KHDRBS2: variants seen among roughly 807,000 people sequenced by gnomAD.
The protein encoded by KHDRBS2 is KH domain-containing, RNA-binding, signal transduction-associated protein 2.
KHDRBS2 carries 26 observed loss-of-function variants against 44.3 expected under a neutral mutation model. That is an observed-to-expected ratio of 0.59 (90% CI 0.43 to 0.81). The LOEUF (loss-of-function observed/expected upper bound fraction) is 0.81. Ranked by LOEUF, KHDRBS2 falls within the 40% of genes least tolerant of loss-of-function variation. The pLI is 0.00. For synonymous variants in KHDRBS2, 194 were observed against 151.1 expected, an observed-to-expected ratio of 1.28 and a Z score of -2.08; for missense variants, 476 against 433.1, an observed-to-expected ratio of 1.10 and a Z score of -0.88.
chr6:61,772,866 C>T (rs1305620598), intron 6 of KHDRBS2, among the ~76,000 whole-genome samples: 1 of 152,020 alleles, frequency 6.6e-6, no homozygotes, highest in Non-Finnish European at 1.5e-5. Flanking sequence ...GTTCAATTCC[C>T]ACCTATGAGT....
At chr6:62,083,393 C>A (rs1797790154) in intron 2 of KHDRBS2, among the ~76,000 whole-genome samples, 2 of 152,170 alleles carry the variant, frequency 1.3e-5, no homozygotes, top group South Asian at 4.1e-4. Context: ...TCTGCATTTA[C>A]CATCTTCAAT....
chr6:61,769,391 T>C (rs1201006101), intron 6 of KHDRBS2, among the ~76,000 whole-genome samples: 2 of 151,646 alleles, frequency 1.3e-5, no homozygotes, highest in Non-Finnish European at 2.9e-5. Flanking sequence ...GCACAAGGGG[T>C]CAGGGAATTC....
In KHDRBS2 at chr6:61,690,575, G is replaced by A. The variant is rs1355519977; in HGVS notation, c.952+6620C>T. ...AAATTTTTTAAAAAGTCAAGGTTGA[G>A]ATTTAACTGTTCAACACACAATTGT... On this transcript the variant is annotated intron_variant, in intron 8 of 8. Transcript: ENST00000281156. Among the ~76,000 whole-genome samples, 3 of 152,134 alleles carry A rather than the reference G, an allele frequency of 2.0e-5. No homozygotes were observed. In the East Asian group the frequency reaches 5.8e-4, roughly 30 times the overall value.
chr6:62,183,553 T>C lies in KHDRBS2; in HGVS notation c.92-6241A>G, dbSNP rs9363959. On this transcript the variant is annotated intron_variant, in intron 1 of 8. Transcript: ENST00000281156. ...ATAAAGAGAAGAGACAAATTTACAA[T>C]ATGTGCAAAAAGAAGTTTCTAGTTC... Among the ~76,000 whole-genome samples, 64 of 151,708 alleles carry C rather than the reference T, an allele frequency of 4.2e-4. 1 individual carries two copies. In the East Asian group the frequency reaches 0.011, roughly 27 times the overall value.
chr6:62,178,260 C>T (rs1323301264), intron 1 of KHDRBS2, among the ~76,000 whole-genome samples: 2 of 151,426 alleles, frequency 1.3e-5, no homozygotes, highest in Non-Finnish European at 3.0e-5. Flanking sequence ...CTAAGAAGAG[C>T]TTAACAGTCT....
chr6:62,109,794 A>G (rs936732903), intron 2 of KHDRBS2, among the ~76,000 whole-genome samples: 4 of 151,798 alleles, frequency 2.6e-5, no homozygotes, highest in Admixed American at 2.6e-4. Flanking sequence ...GAAAGAAAGG[A>G]AGGGAGAGAG....
chr6:61,887,833 G>A (rs1437899475), intron 6 of KHDRBS2, among the ~76,000 whole-genome samples: 1 of 152,112 alleles, frequency 6.6e-6, no homozygotes, highest in Non-Finnish European at 1.5e-5. Context: ...CCTTGCAGAG[G>A]AATCAATAGT....
chr6:61,663,514 T>TATATATATATATATATATATATATAA, the KHDRBS2 span, among the ~76,000 whole-genome samples: 199 of 99,914 alleles, frequency 2.0e-3, 22 homozygotes, highest in Non-Finnish European at 3.7e-3. Context: ...TATATATATA[T>TATATATATATATATATATATATATAA]ATATATATAT....
At chr6:61,586,226 TG>T in the KHDRBS2 span, among the ~76,000 whole-genome samples, 1 of 152,284 alleles carries the variant, frequency 6.6e-6, no homozygotes, top group South Asian at 2.1e-4. Context: ...ATTAGGAAAA[TG>T]CTTTGATTTA....
At chr6:62,059,814 C>A (rs1323393102) in intron 2 of KHDRBS2, among the ~76,000 whole-genome samples, 2 of 151,464 alleles carry the variant, frequency 1.3e-5, no homozygotes, top group Non-Finnish European at 2.9e-5. Context: ...ACTTGAGGAA[C>A]ACGTATATTC....
chr6:61,919,124 G>A (rs1385793004), intron 4 of KHDRBS2, among the ~76,000 whole-genome samples: 4 of 151,970 alleles, frequency 2.6e-5, no homozygotes, highest in East Asian at 1.9e-4. Flanking sequence ...ACATTTATGT[G>A]TGTCTATTTA....
At chr6:61,960,870 A>G (rs1320350679) in intron 4 of KHDRBS2, among the ~76,000 whole-genome samples, 1 of 152,138 alleles carries the variant, frequency 6.6e-6, no homozygotes, top group Non-Finnish European at 1.5e-5. Context: ...TGAAATGAGC[A>G]CACTCTGCAA....
At chr6:62,179,544 G>C (rs985792245) in intron 1 of KHDRBS2, among the ~76,000 whole-genome samples, 5 of 151,548 alleles carry the variant, frequency 3.3e-5, no homozygotes, top group Non-Finnish European at 3.0e-5. Flanking sequence ...CTGCCCTATG[G>C]GTGTATACAC....
At chr6:62,172,698 GAAA>G (rs33984802) in intron 2 of KHDRBS2, among the ~76,000 whole-genome samples, 2 of 73,464 alleles carry the variant, frequency 2.7e-5, no homozygotes, top group East Asian at 4.6e-4. Context: ...CCAGCAAACT[GAAA>G]AAAAAAAAAA....
intron 1 of KHDRBS2, among the ~76,000 whole-genome samples, chr6:62,218,158 T>C (rs1177204414): frequency 2.0e-5 from 3 of 151,658 alleles, no homozygotes; most frequent in South Asian, 4.2e-4. Flanking sequence ...AGTAGTCAAA[T>C]GGAAAAAGAG....
Position 61,820,330 on chromosome 6 carries a change from C to A in KHDRBS2, c.810+74305G>T, listed in dbSNP as rs554856212. On this transcript the variant is annotated intron_variant, in intron 6 of 8. Transcript: ENST00000281156. ...TTCAGGATGCGTTTTGTAAGTGTAA[C>A]CAAAATCACTTCTTGATGGATTTGA... is the stretch of plus-strand genomic sequence containing the variant. Among the ~76,000 whole-genome samples the A allele has an allele frequency of 7.2e-5, 11 of 151,838 alleles. No homozygotes were observed. In the South Asian group the frequency reaches 2.3e-3, roughly 32 times the overall value.
chr6:62,035,651 G>T (rs1190950423), intron 3 of KHDRBS2, among the ~76,000 whole-genome samples: 1 of 151,832 alleles, frequency 6.6e-6, no homozygotes, highest in Non-Finnish European at 1.5e-5. Context: ...GAGTATTATT[G>T]GATTGTTTGT....
intron 1 of KHDRBS2, among the ~76,000 whole-genome samples, chr6:62,179,424 T>C (rs556157434): frequency 6.6e-6 from 1 of 151,880 alleles, no homozygotes; most frequent in East Asian, 1.9e-4. Context: ...TGAAAATCAC[T>C]TTATTCCAAC....
At chr6:61,687,761 G>A (rs1582163123) in intron 8 of KHDRBS2, among the ~76,000 whole-genome samples, 1 of 151,856 alleles carries the variant, frequency 6.6e-6, no homozygotes, top group East Asian at 1.9e-4. Flanking sequence ...TTGAATTACT[G>A]CTATATTCTA....
Sources: allele counts gnomAD v4.1 joint callset (sites outside exome capture counted in the v4.1 genomes callset), GRCh38; gene constraint gnomAD v4.1.1; transcripts MANE v1.5; gene names NCBI Gene and HGNC (gene_info 2026-07-23, HGNC 2026-07-21).